FUT8: variants seen among roughly 807,000 people sequenced by gnomAD.
FUT8 encodes fucosyltransferase 8, also known as alpha-(1,6)-fucosyltransferase.
In FUT8, 29 loss-of-function variants were observed where a neutral mutation model predicts 71.3. That is an observed-to-expected ratio of 0.41 (90% CI 0.30 to 0.55). FUT8 has a LOEUF of 0.55. FUT8 is among the 20% of genes least tolerant of loss of function. FUT8 has a pLI of 0.34. For missense variants in FUT8, 544 were observed against 702.1 expected, an observed-to-expected ratio of 0.77 and a Z score of 2.55; for synonymous variants, 254 against 239.3, an observed-to-expected ratio of 1.06 and a Z score of -0.57.
chr14:65,442,108 T>C (rs2065667922), intron 1 of FUT8, among the ~76,000 whole-genome samples: 1 of 151,908 alleles, frequency 6.6e-6, no homozygotes, highest in South Asian at 2.1e-4. Context: ...GAGGGCTCCC[T>C]AGATAATTCT....
chr14:65,612,966 C>CT (rs1329873252), intron 3 of FUT8, among the ~76,000 whole-genome samples: 1 of 151,416 alleles, frequency 6.6e-6, no homozygotes, highest in Non-Finnish European at 1.5e-5. Flanking sequence ...CATATTGACT[C>CT]TTTTCTGGAT....
rs1029883163 is a variant in FUT8, at chr14:65,607,931, G to A, written c.204-8047G>A. 7.9e-5 allele frequency among the ~76,000 whole-genome samples: 12 copies of A among 151,544 alleles called. 1 individual carries two copies. Among genetic ancestry groups the A allele is most frequent in the East Asian group, 1.9e-4 (1 of 5,178 alleles). On this transcript the variant is annotated intron_variant, in intron 3 of 10. Coordinates refer to ENST00000673929, the MANE Select transcript of FUT8 (RefSeq NM_001371533.1). The surrounding 1 kb of genome is among the most constrained non-coding windows in gnomAD (Gnocchi z 4.1). ...TACAAAAAAATTAGCTGGGTGTGGCGGCGCATGCCTGTAATCCCAGCTACT... is the reference window on the plus strand; with the variant it reads ...TACAAAAAAATTAGCTGGGTGTGGCAGCGCATGCCTGTAATCCCAGCTACT...
In FUT8 at chr14:65,633,010, C is replaced by G. The variant is rs981258188; in HGVS notation, c.597+3404C>G. Among the ~76,000 whole-genome samples, 27 of 146,532 alleles carry G rather than the reference C, an allele frequency of 1.8e-4. 1 individual carries two copies. The East Asian group carries it at 2.5e-3, about 13-fold the overall frequency. On this transcript the variant is annotated intron_variant, in intron 6 of 10. Coordinates refer to ENST00000673929, the MANE Select transcript of FUT8 (RefSeq NM_001371533.1). ...TCCCCTCTCCCCTCTCCCCTCCCCC[C>G]CCCCGTCTCCCCAGGGTCTCCCTCT...
At chr14:65,545,876 A>G (rs1884959513) in intron 2 of FUT8, among the ~76,000 whole-genome samples, 1 of 151,810 alleles carries the variant, frequency 6.6e-6, no homozygotes, top group African/African-American at 2.4e-5. Flanking sequence ...TAACATTTGG[A>G]AAGTTTATTA....
chr14:65,551,709 C>G (rs1885296044), intron 2 of FUT8, among the ~76,000 whole-genome samples: 1 of 152,078 alleles, frequency 6.6e-6, no homozygotes, highest in South Asian at 2.1e-4. Flanking sequence ...GTATGTAAAA[C>G]ATGTTTAAAA....
At position 65,431,263 on chromosome 14, in the gene FUT8, A is replaced by G. The variant is rs2065469521; in HGVS notation, c.-326+18049A>G. 3.3e-5 allele frequency among the ~76,000 whole-genome samples: 5 copies of G among 149,340 alleles called. No homozygotes were observed. In the South Asian group the frequency reaches 8.5e-4, roughly 25 times the overall value. On this transcript the variant is annotated intron_variant, in intron 1 of 10. Coordinates refer to ENST00000673929, the MANE Select transcript of FUT8 (RefSeq NM_001371533.1). ...GTGATCCACCCTCCTCGGCCTCCCA[A>G]AGTGTGGGATTACAGGTGTGAGCCA...
intron 1 of FUT8, among the ~76,000 whole-genome samples, chr14:65,444,339 T>C (rs2065706233): frequency 6.6e-6 from 1 of 152,210 alleles, no homozygotes; most frequent in East Asian, 1.9e-4. Context: ...ACTAGAACTC[T>C]CCTGCCCTGC....
intron 6 of FUT8, among the ~76,000 whole-genome samples, chr14:65,665,763 T>C (rs753758480): frequency 1.3e-5 from 2 of 152,144 alleles, no homozygotes; most frequent in Non-Finnish European, 2.9e-5. Flanking sequence ...TAAAAAAGAA[T>C]GAGGTCATCT....
chr14:65,724,043 G>C, intron 8 of FUT8, 104 bp from the exon 9 acceptor site: 1 of 812,022 alleles, frequency 1.2e-6, no homozygotes, highest in Non-Finnish European at 1.8e-6. Context: ...AGAAAAATCA[G>C]TTAAAAATGC....
Position 65,616,005 on chromosome 14 carries a change from G to C in FUT8, c.231G>C (p.Gly77=). 6.2e-7 allele frequency: 1 copy of C among 1,613,774 alleles called. No individual in the cohort carries two copies. Among genetic ancestry groups the C allele is most frequent in the Non-Finnish European group, 8.5e-7 (1 of 1,179,802 alleles). Residue 77 remains glycine (G), a synonymous_variant, in exon 4 of 11, where the codon GGG becomes GGC. Coordinates refer to ENST00000673929, the MANE Select transcript of FUT8 (RefSeq NM_001371533.1). ...TACCAGAAGGCCCTATTGATCAGGG[G>C]CCAGCTATAGGAAGAGTACGCGTTT... ...LRIPEGPIDQ[G]PAIGRVRVLE... is the part of the protein sequence containing the mutation.
At chr14:65,375,425 G>A in the FUT8 span, among the ~76,000 whole-genome samples, 1 of 152,022 alleles carries the variant, frequency 6.6e-6, no homozygotes, top group East Asian at 1.9e-4. Context: ...TTGAGATCAG[G>A]CTGGGTAACA....
intron 2 of FUT8, among the ~76,000 whole-genome samples, chr14:65,488,051 G>GC (rs1379126809): frequency 6.6e-6 from 1 of 152,072 alleles, no homozygotes; most frequent in African/African-American, 2.4e-5. Context: ...GAAACTCCTG[G>GC]CCTCAAGCAG....
intron 2 of FUT8, among the ~76,000 whole-genome samples, chr14:65,549,915 G>T (rs1054747584): frequency 3.3e-5 from 5 of 152,168 alleles, no homozygotes; most frequent in Admixed American, 3.3e-4. Context: ...CAAAAAATCA[G>T]TTGGGCATGG....
chr14:65,732,489 C>T (rs1896026052), intron 9 of FUT8, among the ~76,000 whole-genome samples: 1 of 152,178 alleles, frequency 6.6e-6, no homozygotes, highest in Non-Finnish European at 1.5e-5. Context: ...ACTATTATTC[C>T]TTCAGCAAAT....
intron 6 of FUT8, among the ~76,000 whole-genome samples, chr14:65,664,651 C>T (rs1332504939): frequency 6.6e-6 from 1 of 152,056 alleles, no homozygotes; most frequent in Non-Finnish European, 1.5e-5. Flanking sequence ...CTCAGTCTTT[C>T]CTTTGGAATC....
chr14:65,546,236 A>G (rs7153679), intron 2 of FUT8, among the ~76,000 whole-genome samples: 21,063 of 151,600 alleles, frequency 0.14, 1,906 homozygotes, highest in East Asian at 0.39. Flanking sequence ...TACTAGTCTG[A>G]TTTCCATCAC....
intron 3 of FUT8, among the ~76,000 whole-genome samples, chr14:65,606,554 C>T (rs1349195395): frequency 6.6e-6 from 1 of 151,620 alleles, no homozygotes; most frequent in Non-Finnish European, 1.5e-5. Context: ...TTCTGTGAAA[C>T]CATCTCTTAT....
chr14:65,577,809 A>T (rs921994389), intron 3 of FUT8, among the ~76,000 whole-genome samples: 15 of 152,136 alleles, frequency 9.9e-5, no homozygotes, highest in Admixed American at 6.5e-5. Context: ...CAGAATAGTT[A>T]AATATATACT....
intron 3 of FUT8, among the ~76,000 whole-genome samples, chr14:65,605,031 A>G (rs1040431382): frequency 6.6e-6 from 1 of 151,952 alleles, no homozygotes. Context: ...AATTCATGTA[A>G]GATTATTCAT....
Sources: gnomAD v4.1 joint callset for allele counts (sites outside exome capture counted in the v4.1 genomes callset) on GRCh38, gnomAD v4.1.1 for gene constraint, Gnocchi (gnomAD v3.1) non-coding constraint, MANE v1.5 for transcripts, NCBI Gene and HGNC (gene_info 2026-07-23, HGNC 2026-07-21) for gene names.